Variants in ANKRD30A observed in about 807,000 individuals in gnomAD.
ANKRD30A encodes the protein ankyrin repeat domain-containing protein 30A.
Under a neutral mutation model 166.3 loss-of-function variants are expected in ANKRD30A, and 170 were observed. The observed-to-expected ratio is 1.02, with a 90% CI of 0.90 to 1.16. The LOEUF is 1.16. ANKRD30A is among the 50% of genes most tolerant of loss of function. The probability of loss-of-function intolerance (pLI) is 0.00; values close to 1 mark genes in which losing one functional copy is unlikely to be tolerated. For missense variants in ANKRD30A, 1,630 were observed against 1,518.0 expected (o/e 1.07, Z -1.23); for synonymous variants, 564 against 508.9 (o/e 1.11, Z -1.46).
the ANKRD30A span, among the ~76,000 whole-genome samples, chr10:37,265,384 T>C: frequency 1.3e-5 from 2 of 152,154 alleles, no homozygotes; most frequent in East Asian, 3.9e-4. Context: ...GCCCGCAGCA[T>C]TCCTGTCCTT....
the ANKRD30A span, among the ~76,000 whole-genome samples, chr10:37,253,999 T>C: frequency 6.6e-6 from 1 of 152,204 alleles, no homozygotes; most frequent in African/African-American, 2.4e-5. Context: ...GTATCAGCAC[T>C]TCATTAATGT....
intron 12 of ANKRD30A, among the ~76,000 whole-genome samples, chr10:37,153,270 T>C (rs774390816): frequency 7.1e-4 from 108 of 152,330 alleles, no homozygotes; most frequent in Non-Finnish European, 1.2e-3. Flanking sequence ...AAGTTAGATA[T>C]TTTTAAGAGA....
At chr10:37,164,964 C>G (rs1365539641) in intron 17 of ANKRD30A, 130 bp from the exon 18 acceptor site, 1 of 944,486 alleles carries the variant, frequency 1.1e-6, no homozygotes, top group African/African-American at 1.7e-5. Context: ...TCATTGTAAT[C>G]AACAAAAAGA....
intron 25 of ANKRD30A, among the ~76,000 whole-genome samples, chr10:37,192,452 C>T (rs1391232112): frequency 2.0e-5 from 3 of 151,916 alleles, no homozygotes; most frequent in African/African-American, 7.3e-5. Context: ...ACTCGTATTT[C>T]TCAGAGGTAC....
intron 6 of ANKRD30A, among the ~76,000 whole-genome samples, chr10:37,138,397 G>C (rs1216938479): frequency 1.3e-5 from 2 of 152,164 alleles, no homozygotes; most frequent in Non-Finnish European, 2.9e-5. Flanking sequence ...GGTGAGTTGA[G>C]AGAAGAAGGC....
chr10:37,254,022 A>G, the ANKRD30A span, among the ~76,000 whole-genome samples: 8 of 152,152 alleles, frequency 5.3e-5, no homozygotes, highest in Non-Finnish European at 1.2e-4. Context: ...ATGACCTAAT[A>G]AGTTTGTATT....
At chr10:37,153,246 G>A (rs1838094413) in intron 12 of ANKRD30A, among the ~76,000 whole-genome samples, 3 of 152,168 alleles carry the variant, frequency 2.0e-5, no homozygotes. Flanking sequence ...TATTTTTGAT[G>A]AGGACTAGAA....
downstream of ANKRD30A, chr10:37,232,697 T>TATATAGAGAGAG (rs1273812991): frequency 1.3e-5 from 1 of 78,400 alleles, no homozygotes; most frequent in African/African-American, 4.9e-5. Flanking sequence ...TATATATAAA[T>TATATAGAGAGAG]AGAGAGAGAG....
chr10:37,232,333 T>G (rs1843449093), intron 35 of ANKRD30A, among the ~76,000 whole-genome samples, 166 bp from the exon 36 acceptor site: 1 of 151,822 alleles, frequency 6.6e-6, no homozygotes, highest in Non-Finnish European at 1.5e-5. Context: ...TGCTGTGCAA[T>G]TTTACAATAG....
At chr10:37,149,341 T>C (rs1011908830) in intron 9 of ANKRD30A, among the ~76,000 whole-genome samples, 1 of 152,058 alleles carries the variant, frequency 6.6e-6, no homozygotes, top group African/African-American at 2.4e-5. Flanking sequence ...ATATGTTTCA[T>C]TAAGTACGTG....
In ANKRD30A at chr10:37,132,847, A is replaced by G. The variant is rs867724386; in HGVS notation, c.617+501A>G. ...ACCCCATTTCTACTAAAAATACAAA[A>G]ATTAGCTGGGCATGATGGCACATGC... On this transcript the variant is annotated intron_variant, in intron 4 of 35. Transcript: ENST00000361713. 5.3e-5 allele frequency among the ~76,000 whole-genome samples: 8 copies of G among 152,214 alleles called. No individual in the cohort carries two copies. In the South Asian group the frequency reaches 1.0e-3, roughly 20 times the overall value.
chr10:37,194,558 T>G (rs1329642110), intron 27 of ANKRD30A, among the ~76,000 whole-genome samples: 1 of 152,042 alleles, frequency 6.6e-6, no homozygotes, highest in Non-Finnish European at 1.5e-5. Flanking sequence ...GCCAGGATGG[T>G]CTGATCCGGA....
At chr10:37,198,189 T>A (rs1199102219) in intron 29 of ANKRD30A, among the ~76,000 whole-genome samples, 1 of 152,136 alleles carries the variant, frequency 6.6e-6, no homozygotes, top group African/African-American at 2.4e-5. Context: ...TTCTTATGCA[T>A]GTTTAAACAT....
intron 2 of ANKRD30A, 66 bp from the exon 3 acceptor site, chr10:37,130,139 A>G: frequency 8.7e-7 from 1 of 1,153,936 alleles, no homozygotes; most frequent in Non-Finnish European, 1.1e-6. Context: ...CCTATAATTT[A>G]TAATTTATAA....
In ANKRD30A at chr10:37,219,871, T is replaced by G. The variant is rs764321100; in HGVS notation, c.4159T>G (p.Tyr1387Asp). The G allele has an allele frequency of 2.7e-5, 41 of 1,529,004 alleles. 1 individual carries two copies. Among genetic ancestry groups the G allele is most frequent in the South Asian group, 2.5e-4 (20 of 79,176 alleles). 94.7% of individuals were successfully genotyped at this position (1,529,004 alleles called of 1,614,324 possible). Residue 1387 changes from tyrosine to aspartate, a missense_variant, in exon 34 of 36, where the codon TAT (tyrosine) becomes GAT (aspartate). By Grantham distance (160) the Tyr-to-Asp change is radical (BLOSUM62 -3). Coordinates refer to ENST00000361713, the MANE Select transcript of ANKRD30A (RefSeq NM_052997.3). ...CCATTTAAAAAACCGTATATATCAATATGAAAAAGAGAAAGCAGAAACAGA... is the reference window on the plus strand; with the variant it reads ...CCATTTAAAAAACCGTATATATCAAGATGAAAAAGAGAAAGCAGAAACAGA... ...NNHLKNRIYQ[Y>D]EKEKAETENS
At chr10:37,243,380 G>A in the ANKRD30A span, among the ~76,000 whole-genome samples, 29 of 150,768 alleles carry the variant, frequency 1.9e-4, no homozygotes, top group Admixed American at 9.3e-4. Flanking sequence ...TCCTGACCTC[G>A]TGATCCGCCC....
chr10:37,194,250 T>A (rs550818424), intron 27 of ANKRD30A, among the ~76,000 whole-genome samples: 41 of 152,250 alleles, frequency 2.7e-4, no homozygotes, highest in Non-Finnish European at 4.9e-4. Context: ...AGACTATGTG[T>A]AGAATTTGTT....
the ANKRD30A span, among the ~76,000 whole-genome samples, chr10:37,259,148 A>G: frequency 1.3e-5 from 2 of 152,046 alleles, no homozygotes; most frequent in Non-Finnish European, 2.9e-5. Context: ...AGAGAAAGAA[A>G]AGGGAAGTTA....
chr10:37,210,426 T>A (rs1364365758), intron 31 of ANKRD30A, among the ~76,000 whole-genome samples: 1 of 152,182 alleles, frequency 6.6e-6, no homozygotes, highest in Admixed American at 6.5e-5. Flanking sequence ...CCAATAAACC[T>A]ATGTATGCAT....
Sources: gnomAD v4.1 joint callset for allele counts (sites outside exome capture counted in the v4.1 genomes callset) on GRCh38, gnomAD v4.1.1 for gene constraint, MANE v1.5 for transcripts, NCBI Gene and HGNC (gene_info 2026-07-23, HGNC 2026-07-21) for gene names.